JAKMIP1: variants seen among roughly 807,000 people sequenced by gnomAD.
JAKMIP1 encodes the protein janus kinase and microtubule interacting protein 1, also known as janus kinase and microtubule-interacting protein 1.
JAKMIP1 carries 33 observed loss-of-function variants against 113.0 expected under a neutral mutation model. The ratio of observed to expected loss-of-function variants is 0.29; its 90% CI spans 0.22 to 0.39. The LOEUF is 0.39. Among genes scored for constraint, JAKMIP1 ranks in the 10% least tolerant of loss-of-function variants. The probability of loss-of-function intolerance (pLI) is 1.00; values close to 1 mark genes in which losing one functional copy is unlikely to be tolerated. For missense variants in JAKMIP1, 813 were observed against 1,080.5 expected, an observed-to-expected ratio of 0.75 and a Z score of 3.47; for synonymous variants, 480 against 459.9, an observed-to-expected ratio of 1.04 and a Z score of -0.56.
At position 6,097,495 on chromosome 4, in the gene JAKMIP1, C is replaced by A. The variant is rs1712015633; in HGVS notation, c.624+7978G>T. ...TTTTTCCCCTTGGGTATGCTAAATA[C>A]ACTGCGTTGTACACCTGCATTTTGA... On this transcript the variant is annotated intron_variant, in intron 3 of 20. Coordinates refer to ENST00000409021, the MANE Select transcript of JAKMIP1 (RefSeq NM_001099433.2). The surrounding 1 kb of genome is among the most constrained non-coding windows in gnomAD (Gnocchi z 4.3). Among the ~76,000 whole-genome samples, 2 of 152,152 alleles carry A rather than the reference C, an allele frequency of 1.3e-5. No homozygotes were observed. The highest frequency in any genetic ancestry group is 4.8e-5 in the African/African-American group (2 of 41,444).
chr4:6,148,993 C>T (rs958818667), intron 1 of JAKMIP1, among the ~76,000 whole-genome samples: 3 of 152,104 alleles, frequency 2.0e-5, no homozygotes, highest in Non-Finnish European at 4.4e-5. Flanking sequence ...GGTGGTGCCA[C>T]GGATGCTTTA....
intron 1 of JAKMIP1, among the ~76,000 whole-genome samples, chr4:6,171,884 G>A (rs559097894): frequency 3.9e-5 from 6 of 152,344 alleles, no homozygotes; most frequent in African/African-American, 1.4e-4. Flanking sequence ...GACAATGCCT[G>A]TTTCAAACCT....
intron 8 of JAKMIP1, among the ~76,000 whole-genome samples, chr4:6,077,665 G>T (rs201728785): frequency 6.6e-6 from 1 of 151,100 alleles, no homozygotes; most frequent in African/African-American, 2.4e-5. Flanking sequence ...TTAATTTTTT[G>T]TAGAGACAGG....
In JAKMIP1 at chr4:6,040,781, C is replaced by T; in HGVS notation, c.2098-65G>A. 7.6e-7 allele frequency: 1 copy of T among 1,314,748 alleles called. No homozygotes were observed. The highest frequency in any genetic ancestry group is 1.2e-5 in the South Asian group (1 of 82,060). The allele number at this position is 1,314,748 out of a possible 1,614,324, so 81.4% of individuals were successfully genotyped here. On this transcript the variant is annotated intron_variant, in intron 17 of 20. Transcript: ENST00000409021. This position sits in a 1 kb window ranked among gnomAD's most constrained non-coding sequence, Gnocchi z 5.8. Reference sequence around the variant, plus strand: ...ACAGGAATCCATGACAGCTTCAGAGCCCGTTTGCTAGAGAGTGGCAGTCTC... The same window carrying T: ...ACAGGAATCCATGACAGCTTCAGAGTCCGTTTGCTAGAGAGTGGCAGTCTC...
At chr4:6,073,530 G>A (rs1227916085) in intron 8 of JAKMIP1, among the ~76,000 whole-genome samples, 2 of 152,200 alleles carry the variant, frequency 1.3e-5, no homozygotes, top group African/African-American at 2.4e-5. Context: ...AATTAGTGGG[G>A]GAGGCAGGGT....
In JAKMIP1 at chr4:6,049,869, C is replaced by T. The variant is rs1476608454; in HGVS notation, c.1912G>A (p.Val638Met). ...LFCHQEGVKD[V>M]NVSELMKKLD... is the part of the protein sequence containing the mutation. The stretch of plus-strand genomic sequence containing the variant: ...TTCTTCATAAGTTCAGAAACATTCA[C>T]ATCCTGGAAGAGATTTCCAACGTTC... The change falls in exon 15 of 21, where the codon GTG becomes ATG. Residue 638 changes from valine to methionine, a missense_variant. By Grantham distance (21) the Val-to-Met change is conservative. Around this residue, in one of 2 missense-constraint regions of JAKMIP1, gnomAD observed 273 missense variants for 426.6 expected, o/e 0.64. Coordinates refer to ENST00000409021, the MANE Select transcript of JAKMIP1 (RefSeq NM_001099433.2). The surrounding 1 kb of genome is among the most constrained non-coding windows in gnomAD (Gnocchi z 7.0). 4 of 1,611,166 alleles carry T rather than the reference C, an allele frequency of 2.5e-6. No individual in the cohort carries two copies. Among genetic ancestry groups the T allele is most frequent in the Non-Finnish European group, 3.4e-6 (4 of 1,177,554 alleles).
chr4:6,026,685 C>A (rs544234302), intron 20 of JAKMIP1, among the ~76,000 whole-genome samples: 1 of 151,626 alleles, frequency 6.6e-6, no homozygotes, highest in African/African-American at 2.4e-5. Context: ...GATGTGTGCA[C>A]CGAAGATCAG....
chr4:6,152,404 C>T (rs1404573410), intron 1 of JAKMIP1, among the ~76,000 whole-genome samples: 1 of 152,134 alleles, frequency 6.6e-6, no homozygotes, highest in Non-Finnish European at 1.5e-5. Flanking sequence ...CCAGCCCCAC[C>T]ACCAACTGGC....
intron 1 of JAKMIP1, among the ~76,000 whole-genome samples, chr4:6,114,553 C>T (rs1330441892): frequency 3.9e-5 from 6 of 152,166 alleles, no homozygotes; most frequent in Non-Finnish European, 8.8e-5. Flanking sequence ...GCCCTGGGGC[C>T]CTGGGACATC....
At position 6,064,362 on chromosome 4, in the gene JAKMIP1, G is replaced by A. The variant is rs959232005; in HGVS notation, c.1431+518C>T. On this transcript the variant is annotated intron_variant, in intron 9 of 20. Transcript: ENST00000409021. The surrounding 1 kb of genome is among the most constrained non-coding windows in gnomAD (Gnocchi z 4.3). Reference sequence around the variant, plus strand: ...TGGCTATGCACCCAGATGGGCACAGGTGGTCAGGACAGGGTGAGGCGGTGA... The same window carrying A: ...TGGCTATGCACCCAGATGGGCACAGATGGTCAGGACAGGGTGAGGCGGTGA... Among the ~76,000 whole-genome samples the A allele has an allele frequency of 6.6e-6, 1 of 152,196 alleles. No homozygotes were observed. Among genetic ancestry groups the A allele is most frequent in the African/African-American group, 2.4e-5 (1 of 41,456 alleles).
At chr4:6,084,732 G>T in intron 5 of JAKMIP1, 114 bp downstream of exon 5, 2 of 1,119,682 alleles carry the variant, frequency 1.8e-6, no homozygotes, top group Non-Finnish European at 2.4e-6. Flanking sequence ...AAGAAGGAAA[G>T]TTCAGAGAAC....
chr4:6,092,267 G>T (rs2108844711), intron 3 of JAKMIP1, among the ~76,000 whole-genome samples: 1 of 152,308 alleles, frequency 6.6e-6, no homozygotes, highest in South Asian at 2.1e-4. Context: ...CTGTCAGTGA[G>T]AGGGGGCCAG....
rs1329510046 is a variant in JAKMIP1 at position 6,088,233 on chromosome 4, A to G, written c.625-2604T>C. 6.6e-6 allele frequency among the ~76,000 whole-genome samples: 1 copy of G among 152,214 alleles called. No homozygotes were observed. Among genetic ancestry groups the G allele is most frequent in the African/African-American group, 2.4e-5 (1 of 41,452 alleles). On this transcript the variant is annotated intron_variant, in intron 3 of 20. Coordinates refer to ENST00000409021, the MANE Select transcript of JAKMIP1 (RefSeq NM_001099433.2). The surrounding 1 kb of genome is among the most constrained non-coding windows in gnomAD (Gnocchi z 5.5). The stretch of plus-strand genomic sequence containing the variant: ...CAGGCAATAAACATAATAAATAAGC[A>G]GACATTGTAGTGATTGAGAGTGATT...
intron 18 of JAKMIP1, among the ~76,000 whole-genome samples, chr4:6,038,157 T>G (rs58517625): frequency 4.4e-3 from 404 of 91,488 alleles, no homozygotes; most frequent in Middle Eastern, 0.021. Context: ...CTAACCGGTA[T>G]CCCTCCATCA....
chr4:6,159,308 G>T (rs1027969526), intron 1 of JAKMIP1, among the ~76,000 whole-genome samples: 5 of 150,210 alleles, frequency 3.3e-5, no homozygotes, highest in Non-Finnish European at 5.9e-5. Context: ...AATACTTAAA[G>T]ACTCTGGAGG....
rs1311990307 is a variant in JAKMIP1, at chr4:6,169,636, TGTGTGA to T, written c.-148+30611_-148+30616del. ...GTGTGTGTGTGTGTGTGTGTGTGTG[TGTGTGA>T]ATTATTTTCAGATGACGAAACTGCT... On this transcript the variant is annotated intron_variant, in intron 1 of 20. Transcript: ENST00000409021. 2.0e-5 allele frequency among the ~76,000 whole-genome samples: 3 copies of T among 151,744 alleles called. 1 individual carries two copies. Among genetic ancestry groups the T allele is most frequent in the Non-Finnish European group, 1.5e-5 (1 of 67,910 alleles).
In JAKMIP1 at chr4:6,116,171, C is replaced by T. The variant is rs547306281; in HGVS notation, c.-147-3174G>A. Among the ~76,000 whole-genome samples the T allele has an allele frequency of 1.1e-3, 171 of 152,126 alleles. No homozygotes were observed. Among genetic ancestry groups the T allele is most frequent in the Admixed American group, 1.8e-3 (27 of 15,272 alleles). ...GGAGCTCAGGGTGGGCCCCAGCAGCCGGCCTCTGTGCCATGGACACACTGT... is the reference window on the plus strand; with the variant it reads ...GGAGCTCAGGGTGGGCCCCAGCAGCTGGCCTCTGTGCCATGGACACACTGT... On this transcript the variant is annotated intron_variant, in intron 1 of 20. Transcript: ENST00000409021. This position sits in a 1 kb window ranked among gnomAD's most constrained non-coding sequence, Gnocchi z 5.1.
rs1363611703 is a variant in JAKMIP1, at chr4:6,064,353, T to A, written c.1431+527A>T. On this transcript the variant is annotated intron_variant, in intron 9 of 20. Coordinates refer to ENST00000409021, the MANE Select transcript of JAKMIP1 (RefSeq NM_001099433.2). This position sits in a 1 kb window ranked among gnomAD's most constrained non-coding sequence, Gnocchi z 4.3. Reference sequence around the variant, plus strand: ...TCAAGAAGCTGGCTATGCACCCAGATGGGCACAGGTGGTCAGGACAGGGTG... The same window carrying A: ...TCAAGAAGCTGGCTATGCACCCAGAAGGGCACAGGTGGTCAGGACAGGGTG... Among the ~76,000 whole-genome samples the A allele has an allele frequency of 6.6e-6, 1 of 152,178 alleles. No individual in the cohort carries two copies. The highest frequency in any genetic ancestry group is 6.5e-5 in the Admixed American group (1 of 15,284).
chr4:6,131,003 G>GT (rs1359537903), intron 1 of JAKMIP1, among the ~76,000 whole-genome samples: 3 of 151,616 alleles, frequency 2.0e-5, no homozygotes, highest in Non-Finnish European at 4.4e-5. Flanking sequence ...ATGAAACCCT[G>GT]TCTCTACAAA....
Sources: gnomAD v4.1 joint callset for allele counts (sites outside exome capture counted in the v4.1 genomes callset) on GRCh38, gnomAD v4.1.1 for gene constraint, gnomAD v4.1.1 regional missense constraint, Gnocchi (gnomAD v3.1) non-coding constraint, MANE v1.5 for transcripts, NCBI Gene and HGNC (gene_info 2026-07-23, HGNC 2026-07-21) for gene names.